Variants in KCNJ3 observed in about 807,000 individuals in gnomAD.
KCNJ3 encodes potassium inwardly rectifying channel subfamily J member 3.
Under a neutral mutation model 39.2 loss-of-function variants are expected in KCNJ3, and 4 were observed. The observed-to-expected ratio is 0.10, with a 90% CI of 0.05 to 0.23. The LOEUF is 0.23. Among genes scored for constraint, KCNJ3 ranks in the 10% least tolerant of loss-of-function variants. The pLI is 1.00. For missense variants in KCNJ3, 276 were observed against 634.9 expected (o/e 0.43, Z 6.08); for synonymous variants, 230 against 237.4 (o/e 0.97, Z 0.29).
intron 2 of KCNJ3, among the ~76,000 whole-genome samples, chr2:154,768,794 C>A (rs551828863): frequency 2.9e-4 from 44 of 152,236 alleles, no homozygotes; most frequent in African/African-American, 9.9e-4. Context: ...GCCATTTTCA[C>A]GATATTGATT....
At position 154,858,090 on chromosome 2, in the gene KCNJ3, T is replaced by A. The variant is rs1687874107; in HGVS notation, c.*2777T>A. ...ATTACCTTATCTGAGTGAATGGTATTTTTTTTATCTTTTCCACACATGCGT... is the reference window on the plus strand; with the variant it reads ...ATTACCTTATCTGAGTGAATGGTATATTTTTTATCTTTTCCACACATGCGT... On this transcript the variant is annotated 3_prime_UTR_variant, in exon 3 of 3. Coordinates refer to ENST00000295101, the MANE Select transcript of KCNJ3 (RefSeq NM_002239.4). The A allele has an allele frequency of 6.6e-6, 1 of 151,754 alleles. No homozygotes were observed. 9.4% of individuals were successfully genotyped at this position (151,754 alleles called of 1,614,324 possible). A position where few individuals can be genotyped will look rare whatever the true frequency, so the allele number is the denominator to read the frequency against.
chr2:154,774,562 C>G (rs1378464213), intron 2 of KCNJ3, among the ~76,000 whole-genome samples: 1 of 151,622 alleles, frequency 6.6e-6, no homozygotes, highest in African/African-American at 2.4e-5. Flanking sequence ...CTATTTATAG[C>G]CTTTAGAGGG....
intron 2 of KCNJ3, among the ~76,000 whole-genome samples, chr2:154,850,954 A>C (rs1321329064): frequency 6.6e-6 from 1 of 152,216 alleles, no homozygotes; most frequent in Admixed American, 6.5e-5. Flanking sequence ...TGACAATTTT[A>C]AAAACAAATT....
chr2:154,726,878 A>G (rs1215221770), intron 2 of KCNJ3, among the ~76,000 whole-genome samples: 2 of 151,720 alleles, frequency 1.3e-5, no homozygotes, highest in African/African-American at 2.4e-5. Flanking sequence ...GAATAAAATA[A>G]TGGCATTTGC....
chr2:154,774,552 CTATT>C (rs778466033), intron 2 of KCNJ3, among the ~76,000 whole-genome samples: 13 of 151,682 alleles, frequency 8.6e-5, no homozygotes, highest in Non-Finnish European at 1.6e-4. Context: ...ATGAAAAAAA[CTATT>C]TATAGCCTTT....
chr2:154,791,837 C>G (rs1402149993), intron 2 of KCNJ3, among the ~76,000 whole-genome samples: 1 of 151,956 alleles, frequency 6.6e-6, no homozygotes, highest in African/African-American at 2.4e-5. Flanking sequence ...CACTGGCAAA[C>G]AGAATTCATT....
intron 2 of KCNJ3, among the ~76,000 whole-genome samples, chr2:154,712,284 G>A (rs949725070): frequency 6.6e-6 from 1 of 152,048 alleles, no homozygotes; most frequent in Non-Finnish European, 1.5e-5. Flanking sequence ...TCATCTTTGA[G>A]GATGTTTCTT....
chr2:154,732,102 G>A (rs114190229), intron 2 of KCNJ3, among the ~76,000 whole-genome samples: 3,980 of 152,078 alleles, frequency 0.026, 149 homozygotes, highest in African/African-American at 0.09. Flanking sequence ...TTTGACCTGC[G>A]TGATATAAGT....
chr2:154,709,194 A>G (rs1685061569), intron 1 of KCNJ3: 1 of 180,718 alleles, frequency 5.5e-6, no homozygotes, highest in Non-Finnish European at 1.2e-5. Context: ...CAGCTTTAAC[A>G]CACTCCATAA....
intron 2 of KCNJ3, among the ~76,000 whole-genome samples, chr2:154,775,926 G>A (rs925594257): frequency 4.6e-5 from 7 of 151,642 alleles, no homozygotes; most frequent in African/African-American, 1.7e-4. Flanking sequence ...TCTTCATATT[G>A]TATTTTGCAG....
At chr2:154,765,042 T>C (rs945136381) in intron 2 of KCNJ3, among the ~76,000 whole-genome samples, 6 of 152,262 alleles carry the variant, frequency 3.9e-5, no homozygotes, top group Middle Eastern at 3.4e-3. Flanking sequence ...ACATTTAGGA[T>C]CAGGTAGTTT....
chr2:154,819,147 AG>A (rs1024252004), intron 2 of KCNJ3, among the ~76,000 whole-genome samples: 1 of 152,010 alleles, frequency 6.6e-6, no homozygotes, highest in African/African-American at 2.4e-5. Context: ...AGTAAAGAAA[AG>A]AAAAAAAGAC....
chr2:154,799,158 G>C (rs185612392), intron 2 of KCNJ3, among the ~76,000 whole-genome samples: 2 of 152,138 alleles, frequency 1.3e-5, no homozygotes, highest in Non-Finnish European at 2.9e-5. Flanking sequence ...TTTTAACAGA[G>C]TCTTGCTCTG....
chr2:154,816,769 G>T (rs1299695495), intron 2 of KCNJ3, among the ~76,000 whole-genome samples: 1 of 152,108 alleles, frequency 6.6e-6, no homozygotes, highest in Non-Finnish European at 1.5e-5. Flanking sequence ...ATTTTCCTGA[G>T]GTGATGTTTG....
At chr2:154,714,358 TC>T (rs1685148542) in intron 2 of KCNJ3, among the ~76,000 whole-genome samples, 1 of 152,184 alleles carries the variant, frequency 6.6e-6, no homozygotes, top group African/African-American at 2.4e-5. Context: ...CTTTTTTCTT[TC>T]TCTTTATATT....
chr2:154,730,494 G>A (rs114017520), intron 2 of KCNJ3, among the ~76,000 whole-genome samples: 2 of 152,198 alleles, frequency 1.3e-5, no homozygotes, highest in African/African-American at 2.4e-5. Context: ...AAGATATTTA[G>A]TATTTTTCCC....
At chr2:154,719,146 A>G (rs544579308) in intron 2 of KCNJ3, among the ~76,000 whole-genome samples, 1 of 152,286 alleles carries the variant, frequency 6.6e-6, no homozygotes, top group East Asian at 1.9e-4. Context: ...TTACAGTGTT[A>G]AAATGTCTGA....
intron 1 of KCNJ3, among the ~76,000 whole-genome samples, chr2:154,700,140 G>C (rs1445745770): frequency 6.6e-6 from 1 of 152,090 alleles, no homozygotes; most frequent in Non-Finnish European, 1.5e-5. Context: ...AGTATTCTTT[G>C]AAAGCTTGAG....
chr2:154,832,831 C>T (rs1202445687), intron 2 of KCNJ3, among the ~76,000 whole-genome samples: 1 of 152,108 alleles, frequency 6.6e-6, no homozygotes, highest in African/African-American at 2.4e-5. Flanking sequence ...AGAAAATCTA[C>T]GTATTTCTTG....
Sources: gnomAD v4.1 joint callset for allele counts (sites outside exome capture counted in the v4.1 genomes callset) on GRCh38, gnomAD v4.1.1 for gene constraint, MANE v1.5 for transcripts, NCBI Gene and HGNC (gene_info 2026-07-23, HGNC 2026-07-21) for gene names.